The following TMCO6 variants were observed in gnomAD, a reference collection of about 807,000 sequenced individuals.
The protein encoded by TMCO6 is transmembrane and coiled-coil domain-containing protein 6.
TMCO6 carries 47 observed loss-of-function variants against 61.8 expected under a neutral mutation model. The observed-to-expected ratio is 0.76, with a 90% CI of 0.60 to 0.97. The LOEUF (loss-of-function observed/expected upper bound fraction) is 0.97. TMCO6 is among the 50% of genes least tolerant of loss of function. The probability of loss-of-function intolerance (pLI) is 0.00; values close to 1 mark genes in which losing one functional copy is unlikely to be tolerated. For synonymous variants in TMCO6, 261 were observed against 254.2 expected, an observed-to-expected ratio of 1.03 and a Z score of -0.25; for missense variants, 557 against 601.6, an observed-to-expected ratio of 0.93 and a Z score of 0.78.
the TMCO6 span, chr5:140,632,586 G>A: frequency 1.2e-6 from 2 of 1,613,998 alleles, no homozygotes; most frequent in Non-Finnish European, 1.7e-6. This position sits in a 1 kb window ranked among gnomAD's most constrained non-coding sequence, Gnocchi z 6.2. Context: ...AGGCAGCGGA[G>A]GCATGGTGCC....
the TMCO6 span, among the ~76,000 whole-genome samples, chr5:140,597,182 CA>C: frequency 6.6e-6 from 1 of 152,144 alleles, no homozygotes; most frequent in Non-Finnish European, 1.5e-5. Context: ...GCAATAGTAC[CA>C]ACATGAATAT....
At chr5:140,605,022 A>G in the TMCO6 span, among the ~76,000 whole-genome samples, 3 of 152,098 alleles carry the variant, frequency 2.0e-5, no homozygotes, top group Non-Finnish European at 4.4e-5. Flanking sequence ...TATTTCAGCA[A>G]TGTTTTCTAG....
the TMCO6 span, among the ~76,000 whole-genome samples, chr5:140,604,453 C>A: frequency 6.6e-6 from 1 of 151,558 alleles, no homozygotes; most frequent in South Asian, 2.1e-4. Flanking sequence ...TGTAAAAGTT[C>A]TTTATATATA....
At chr5:140,615,526 C>T in the TMCO6 span, among the ~76,000 whole-genome samples, 2 of 152,034 alleles carry the variant, frequency 1.3e-5, no homozygotes, top group African/African-American at 4.8e-5. Flanking sequence ...AGATCTCATA[C>T]ATCCTGATTT....
At chr5:140,600,616 C>T in the TMCO6 span, among the ~76,000 whole-genome samples, 1 of 152,010 alleles carries the variant, frequency 6.6e-6, no homozygotes, top group African/African-American at 2.4e-5. Context: ...AGGCACCCGC[C>T]ACTGTGCCCG....
chr5:140,634,970 TG>T (rs1756733639), upstream of TMCO6, among the ~76,000 whole-genome samples: 1 of 151,656 alleles, frequency 6.6e-6, no homozygotes, highest in South Asian at 2.1e-4. Flanking sequence ...TTAGTAGAGA[TG>T]GGGTTTCTCC....
the TMCO6 span, among the ~76,000 whole-genome samples, chr5:140,621,200 C>G: frequency 6.6e-6 from 1 of 152,278 alleles, no homozygotes; most frequent in South Asian, 2.1e-4. Context: ...GTTCTACTTC[C>G]TTCAAAGACC....
At chr5:140,621,431 C>T in the TMCO6 span, among the ~76,000 whole-genome samples, 4 of 152,158 alleles carry the variant, frequency 2.6e-5, no homozygotes, top group South Asian at 8.3e-4. Flanking sequence ...TATCACTTCC[C>T]CAGTCAATAC....
chr5:140,645,120 A>C lies in TMCO6; in HGVS notation c.*22A>C. On this transcript the variant is annotated 3_prime_UTR_variant, in exon 12 of 12. Transcript: ENST00000394671. Reference sequence around the variant, plus strand: ...GTGATCTTGTTTCTCAATGTCACTCATTCCCCTCTCTCTTAACATCAAGCT... The same window carrying C: ...GTGATCTTGTTTCTCAATGTCACTCCTTCCCCTCTCTCTTAACATCAAGCT... 6.2e-7 allele frequency: 1 copy of C among 1,602,330 alleles called. No individual in the cohort carries two copies.
upstream of TMCO6, among the ~76,000 whole-genome samples, chr5:140,636,542 A>T (rs1756774746): frequency 2.6e-5 from 4 of 151,794 alleles, no homozygotes; most frequent in Admixed American, 2.6e-4. Context: ...AATTTTTTTT[A>T]ATTAAAAAAT....
chr5:140,645,731 A>G, downstream of TMCO6: 1 of 1,612,970 alleles, frequency 6.2e-7, no homozygotes, highest in Non-Finnish European at 8.5e-7. Flanking sequence ...GGAGGCTACC[A>G]AAGTAAAATA....
At chr5:140,600,474 T>G in the TMCO6 span, among the ~76,000 whole-genome samples, 1,859 of 151,974 alleles carry the variant, frequency 0.012, 38 homozygotes, top group African/African-American at 0.038. Flanking sequence ...GTTTTGTTTT[T>G]TTTTTTTTTG....
chr5:140,632,674 G>A, the TMCO6 span: 1 of 1,613,686 alleles, frequency 6.2e-7, no homozygotes, highest in Non-Finnish European at 8.5e-7. This position sits in a 1 kb window ranked among gnomAD's most constrained non-coding sequence, Gnocchi z 6.2. Flanking sequence ...ACCAGTAGCT[G>A]AGCAGGAACC....
chr5:140,638,472 G>A (rs191453930), upstream of TMCO6, among the ~76,000 whole-genome samples: 1 of 151,892 alleles, frequency 6.6e-6, no homozygotes, highest in African/African-American at 2.4e-5. Flanking sequence ...AAGTGTGTGT[G>A]GGGGGGAGTA....
chr5:140,646,200 G>A (rs572577092), downstream of TMCO6, among the ~76,000 whole-genome samples: 15 of 152,006 alleles, frequency 9.9e-5, no homozygotes, highest in East Asian at 2.5e-3. Flanking sequence ...TAGTAGAGAC[G>A]GGGTTTTACC....
rs1757248408 is a variant in TMCO6 at position 140,644,275 on chromosome 5, T to G, written c.1200+81T>G. 6.2e-6 allele frequency: 9 copies of G among 1,460,524 alleles called. No homozygotes were observed. In the South Asian group the frequency reaches 1.0e-4, roughly 17 times the overall value. 90.5% of individuals were successfully genotyped at this position (1,460,524 alleles called of 1,614,324 possible). A position where few individuals can be genotyped will look rare whatever the true frequency, so the allele number is the denominator to read the frequency against. On this transcript the variant is annotated intron_variant, in intron 10 of 11. Transcript: ENST00000394671. ...CAGTCCTGAGCCCTCAGATGTACCC[T>G]TAGTTGAGAGCCAGCAGGTGGTGGT...
the TMCO6 span, among the ~76,000 whole-genome samples, chr5:140,624,266 G>A: frequency 6.6e-6 from 1 of 152,074 alleles, no homozygotes; most frequent in African/African-American, 2.4e-5. Context: ...TCAGGAGGCT[G>A]AAGCAGGAGA....
At chr5:140,605,682 A>G in the TMCO6 span, among the ~76,000 whole-genome samples, 3 of 142,716 alleles carry the variant, frequency 2.1e-5, no homozygotes, top group African/African-American at 5.4e-5. Flanking sequence ...TCTGTCTCAA[A>G]AAAAAACAAA....
chr5:140,622,796 A>T, the TMCO6 span, among the ~76,000 whole-genome samples: 68 of 151,886 alleles, frequency 4.5e-4, no homozygotes, highest in African/African-American at 1.6e-3. Flanking sequence ...ACGTTTTTGG[A>T]CACCAAAAAC....
Sources: gnomAD v4.1 joint callset for allele counts (sites outside exome capture counted in the v4.1 genomes callset) on GRCh38, gnomAD v4.1.1 for gene constraint, Gnocchi (gnomAD v3.1) non-coding constraint, MANE v1.5 for transcripts, NCBI Gene and HGNC (gene_info 2026-07-23, HGNC 2026-07-21) for gene names.